Variants in GLB1 observed in about 807,000 individuals in gnomAD.
GLB1 encodes the protein galactosidase beta 1.
GLB1 carries 56 observed loss-of-function variants against 74.0 expected under a neutral mutation model. That is an observed-to-expected ratio of 0.76 (90% confidence interval 0.61 to 0.94). The LOEUF (loss-of-function observed/expected upper bound fraction) is 0.94, where lower values mean the gene tolerates loss of function less well. Among genes scored for constraint, GLB1 ranks in the 40% least tolerant of loss-of-function variants. The probability of loss-of-function intolerance (pLI) is 0.00; values close to 1 mark genes in which losing one functional copy is unlikely to be tolerated. For synonymous variants in GLB1, 323 were observed against 323.6 expected (o/e 1.00, Z 0.02); for missense variants, 787 against 845.5 (o/e 0.93, Z 0.86).
At position 32,997,360 on chromosome 3, in the gene GLB1, CAG is replaced by C; in HGVS notation, c.1735-18_1735-17del. 1.2e-6 allele frequency: 2 copies of C among 1,611,740 alleles called. No homozygotes were observed. The highest frequency in any genetic ancestry group is 4.5e-5 in the East Asian group (2 of 44,874). On this transcript the variant is annotated splice_polypyrimidine_tract_variant and intron_variant, in intron 15 of 15. Transcript: ENST00000307363. ...AGACCTGGCCCTGGAGAGAGAGAGA[CAG>C]AGAACCATCAACCCCAGATGCACCG...
intron 1 of GLB1, among the ~76,000 whole-genome samples, chr3:33,082,424 C>T (rs1385834541): frequency 6.6e-6 from 1 of 152,202 alleles, no homozygotes; most frequent in African/African-American, 2.4e-5. Flanking sequence ...TGAAGCAAGA[C>T]CACAATCCTC....
chr3:32,980,412 C>T, the GLB1 span, among the ~76,000 whole-genome samples: 21 of 152,354 alleles, frequency 1.4e-4, no homozygotes, highest in African/African-American at 5.0e-4. Context: ...TTAATAAACA[C>T]ATTTAAGGCT....
At chr3:33,073,751 A>G (rs2125555547) in intron 1 of GLB1, among the ~76,000 whole-genome samples, 1 of 152,174 alleles carries the variant, frequency 6.6e-6, no homozygotes, top group South Asian at 2.1e-4. Flanking sequence ...GCTTATGCCT[A>G]TAATGCTAGC....
the GLB1 span, among the ~76,000 whole-genome samples, chr3:32,988,296 A>C: frequency 6.6e-6 from 1 of 152,144 alleles, no homozygotes; most frequent in Non-Finnish European, 1.5e-5. Context: ...GTGTATAAAA[A>C]ACATGGGAGC....
chr3:32,973,844 G>T, the GLB1 span, among the ~76,000 whole-genome samples: 4 of 152,178 alleles, frequency 2.6e-5, no homozygotes, highest in African/African-American at 9.7e-5. Flanking sequence ...TTGAGGACAA[G>T]AATTAGGGAA....
At chr3:33,022,488 T>C (rs374055131) in intron 11 of GLB1, among the ~76,000 whole-genome samples, 3 of 150,952 alleles carry the variant, frequency 2.0e-5, no homozygotes, top group Admixed American at 6.6e-5. Context: ...TCCACTTGAG[T>C]AATGACAGAG....
chr3:32,978,020 G>T, the GLB1 span, among the ~76,000 whole-genome samples: 1 of 152,162 alleles, frequency 6.6e-6, no homozygotes, highest in South Asian at 2.1e-4. Context: ...TGTTATTATC[G>T]CTAACCATTG....
intron 4 of GLB1, 99 bp from the exon 5 acceptor site, chr3:33,065,656 T>C (rs1208181343): frequency 2.2e-6 from 3 of 1,393,028 alleles, no homozygotes; most frequent in Non-Finnish European, 3.0e-6. Context: ...CACAAATTCG[T>C]AAACTTTTTA....
chr3:33,007,930 C>T (rs1696852317), intron 15 of GLB1, among the ~76,000 whole-genome samples: 1 of 152,192 alleles, frequency 6.6e-6, no homozygotes, highest in Non-Finnish European at 1.5e-5. Flanking sequence ...TGCCACTGAG[C>T]ACTTCTGTAC....
chr3:33,068,699 C>T, intron 3 of GLB1, 121 bp downstream of exon 3: 1 of 1,569,554 alleles, frequency 6.4e-7, no homozygotes, highest in Non-Finnish European at 8.7e-7. Context: ...GACACCTGTG[C>T]TGGGTACAGT....
intron 10 of GLB1, among the ~76,000 whole-genome samples, chr3:33,028,849 T>C (rs897332567): frequency 3.3e-5 from 5 of 152,066 alleles, no homozygotes; most frequent in African/African-American, 1.2e-4. Flanking sequence ...GTATTTTTAG[T>C]AGAAACGGGT....
intron 15 of GLB1, among the ~76,000 whole-genome samples, chr3:33,012,838 T>A (rs1278700053): frequency 1.3e-5 from 2 of 152,160 alleles, no homozygotes; most frequent in African/African-American, 4.8e-5. Flanking sequence ...TGATCCAACT[T>A]TGAACATCTC....
intron 10 of GLB1, among the ~76,000 whole-genome samples, chr3:33,032,941 G>A (rs1317915301): frequency 3.3e-5 from 5 of 152,310 alleles, no homozygotes; most frequent in Non-Finnish European, 7.4e-5. Context: ...CAGCTTCCCT[G>A]TGTCAAATGT....
intron 1 of GLB1, among the ~76,000 whole-genome samples, chr3:33,086,984 A>G (rs1050595078): frequency 9.3e-5 from 14 of 150,748 alleles, no homozygotes; most frequent in African/African-American, 2.9e-4. Context: ...AGATAGTAGG[A>G]AAAAAAAACA....
intron 10 of GLB1, among the ~76,000 whole-genome samples, chr3:33,036,969 T>C (rs1698304365): frequency 6.6e-6 from 1 of 152,186 alleles, no homozygotes; most frequent in Non-Finnish European, 1.5e-5. Flanking sequence ...ACATTGTGAA[T>C]ATAACTAATG....
chr3:33,014,438 A>G, intron 14 of GLB1, 128 bp from the exon 15 acceptor site: 2 of 1,374,046 alleles, frequency 1.5e-6, no homozygotes, highest in South Asian at 1.3e-5. Context: ...GAACCTCGAA[A>G]TATGTGTACA....
At chr3:33,046,484 G>A (rs187750354) in intron 9 of GLB1, among the ~76,000 whole-genome samples, 15 of 152,178 alleles carry the variant, frequency 9.9e-5, no homozygotes, top group African/African-American at 3.1e-4. Flanking sequence ...GAAGCTCACA[G>A]CTGTGATTCT....
At chr3:32,977,937 GAC>G in the GLB1 span, among the ~76,000 whole-genome samples, 3 of 152,300 alleles carry the variant, frequency 2.0e-5, no homozygotes, top group East Asian at 5.8e-4. Flanking sequence ...CTGAATTTCT[GAC>G]ACAGTTCCAT....
chr3:32,993,947 G>A (rs1466306663), downstream of GLB1, among the ~76,000 whole-genome samples: 6 of 152,118 alleles, frequency 3.9e-5, no homozygotes. Flanking sequence ...GGGATTACAG[G>A]TCTAAGGGTA....
Sources: allele counts gnomAD v4.1 joint callset (sites outside exome capture counted in the v4.1 genomes callset), GRCh38; gene constraint gnomAD v4.1.1; transcripts MANE v1.5; gene names NCBI Gene and HGNC (gene_info 2026-07-23, HGNC 2026-07-21).